ZNF385D: variants seen among roughly 807,000 people sequenced by gnomAD.
ZNF385D encodes the protein zinc finger protein 385D.
Under a neutral mutation model 35.8 loss-of-function variants are expected in ZNF385D, and 15 were observed. The observed-to-expected ratio is 0.42, with a 90% CI of 0.28 to 0.64. The LOEUF (loss-of-function observed/expected upper bound fraction) is 0.64, where lower values mean the gene tolerates loss of function less well. Among genes scored for constraint, ZNF385D ranks in the 30% least tolerant of loss-of-function variants. ZNF385D has a pLI of 0.23. For missense variants in ZNF385D, 474 were observed against 494.6 expected (o/e 0.96, Z 0.39); for synonymous variants, 212 against 186.8 (o/e 1.13, Z -1.10).
intron 4 of ZNF385D, among the ~76,000 whole-genome samples, chr3:21,500,679 T>C (rs545470380): frequency 3.3e-5 from 5 of 152,264 alleles, no homozygotes; most frequent in South Asian, 4.1e-4. Context: ...AGTGAGGTAA[T>C]TGGGCAGGAG....
intron 3 of ZNF385D, among the ~76,000 whole-genome samples, chr3:21,896,815 T>C (rs536050255): frequency 1.5e-5 from 2 of 130,850 alleles, no homozygotes; most frequent in South Asian, 2.6e-4. Flanking sequence ...AATGTGTTCT[T>C]AATACTTTTT....
chr3:21,883,116 G>T (rs1378495771), intron 3 of ZNF385D, among the ~76,000 whole-genome samples: 1 of 151,714 alleles, frequency 6.6e-6, no homozygotes, highest in Admixed American at 6.6e-5. Flanking sequence ...TCATCTTATG[G>T]GTTAGTTTGT....
intron 3 of ZNF385D, among the ~76,000 whole-genome samples, chr3:21,769,293 T>C (rs1252338798): frequency 1.2e-5 from 1 of 80,222 alleles, no homozygotes; most frequent in Non-Finnish European, 2.3e-5. Flanking sequence ...GAAGTCAAAT[T>C]GTCCCTGTTT....
At chr3:22,095,415 C>T (rs1245846158) in intron 3 of ZNF385D, among the ~76,000 whole-genome samples, 3 of 151,828 alleles carry the variant, frequency 2.0e-5, no homozygotes, top group Non-Finnish European at 4.4e-5. Context: ...CACTAACTTT[C>T]CTCTGAGAAT....
intron 1 of ZNF385D, among the ~76,000 whole-genome samples, chr3:21,666,655 C>G (rs1301867800): frequency 6.6e-6 from 1 of 152,140 alleles, no homozygotes; most frequent in African/African-American, 2.4e-5. Context: ...AGTGTGTAAC[C>G]ATTTTTAGAG....
chr3:21,805,208 T>C (rs560228353), intron 3 of ZNF385D, among the ~76,000 whole-genome samples: 32 of 152,326 alleles, frequency 2.1e-4, no homozygotes, highest in Admixed American at 5.2e-4. Flanking sequence ...TTGTATAGCA[T>C]TGAAAAACTG....
chr3:21,838,188 CTCA>C (rs1361165526), intron 3 of ZNF385D, among the ~76,000 whole-genome samples: 1 of 152,042 alleles, frequency 6.6e-6, no homozygotes, highest in East Asian at 1.9e-4. Context: ...TGTGTTGGCT[CTCA>C]TCATTTTGGT....
At chr3:21,811,582 T>A (rs559187079) in intron 3 of ZNF385D, among the ~76,000 whole-genome samples, 2 of 152,290 alleles carry the variant, frequency 1.3e-5, no homozygotes, top group East Asian at 1.9e-4. Context: ...AGGTTTCCAA[T>A]GTATGGCGAT....
chr3:22,038,755 T>A (rs570269196), intron 3 of ZNF385D, among the ~76,000 whole-genome samples: 3 of 152,088 alleles, frequency 2.0e-5, no homozygotes, highest in South Asian at 4.1e-4. Context: ...ATTATAGATT[T>A]CATACACACT....
intron 4 of ZNF385D, among the ~76,000 whole-genome samples, chr3:21,451,611 T>G (rs1481111170): frequency 6.6e-6 from 1 of 152,042 alleles, no homozygotes; most frequent in African/African-American, 2.4e-5. Flanking sequence ...CAATGCATTA[T>G]CTCAAAGGCA....
intron 1 of ZNF385D, among the ~76,000 whole-genome samples, chr3:21,717,937 T>A (rs2068388619): frequency 1.3e-5 from 2 of 152,218 alleles, no homozygotes; most frequent in South Asian, 4.1e-4. Flanking sequence ...CAAATTCTCG[T>A]CTGCATCAGA....
At chr3:21,515,384 A>G (rs1707493201) in intron 3 of ZNF385D, among the ~76,000 whole-genome samples, 3 of 152,218 alleles carry the variant, frequency 2.0e-5, no homozygotes, top group Admixed American at 2.0e-4. Flanking sequence ...AAGCATATAT[A>G]TCCAATAACC....
At chr3:21,767,559 A>G (rs976286890) in intron 3 of ZNF385D, among the ~76,000 whole-genome samples, 1 of 152,006 alleles carries the variant, frequency 6.6e-6, no homozygotes, top group African/African-American at 2.4e-5. Context: ...AGTCACCACT[A>G]CATCTCCAGG....
chr3:21,817,166 C>T (rs1203933185), intron 3 of ZNF385D, among the ~76,000 whole-genome samples: 2 of 152,110 alleles, frequency 1.3e-5, no homozygotes, highest in African/African-American at 4.8e-5. Flanking sequence ...TTCTTGACAC[C>T]TTATACAAAA....
chr3:21,888,071 A>G (rs375585104), intron 3 of ZNF385D, among the ~76,000 whole-genome samples: 2 of 152,146 alleles, frequency 1.3e-5, no homozygotes, highest in Middle Eastern at 3.2e-3. Flanking sequence ...TTCAAACTCA[A>G]TAATTGCTCC....
chr3:21,513,438 C>T (rs1347821872), intron 3 of ZNF385D, among the ~76,000 whole-genome samples: 3 of 151,836 alleles, frequency 2.0e-5, no homozygotes, highest in Admixed American at 6.6e-5. Context: ...CATATTCACT[C>T]GTTTATTGAA....
intron 3 of ZNF385D, among the ~76,000 whole-genome samples, chr3:21,781,081 T>C (rs1485444832): frequency 6.6e-6 from 1 of 151,984 alleles, no homozygotes; most frequent in East Asian, 1.9e-4. Context: ...CAGGCTGAGA[T>C]GGAGAAGCTA....
At chr3:22,059,614 C>G (rs1430009457) in intron 3 of ZNF385D, among the ~76,000 whole-genome samples, 1 of 152,152 alleles carries the variant, frequency 6.6e-6, no homozygotes, top group African/African-American at 2.4e-5. Context: ...CCTTAAGACC[C>G]TTCATCAGCT....
intron 3 of ZNF385D, among the ~76,000 whole-genome samples, chr3:21,805,070 G>A (rs1461926807): frequency 2.0e-5 from 3 of 152,132 alleles, no homozygotes; most frequent in Non-Finnish European, 4.4e-5. Flanking sequence ...GTGGGTTTCC[G>A]CTTTCAAACT....
Sources: allele counts gnomAD v4.1 joint callset (sites outside exome capture counted in the v4.1 genomes callset), GRCh38; gene constraint gnomAD v4.1.1; transcripts MANE v1.5; gene names NCBI Gene and HGNC (gene_info 2026-07-23, HGNC 2026-07-21).